PI4KB: variants seen among roughly 807,000 people sequenced by gnomAD.
The protein encoded by PI4KB is phosphatidylinositol 4-kinase beta, also known as PtdIns 4-kinase beta.
In PI4KB, 23 loss-of-function variants were observed where a neutral mutation model predicts 81.4. The ratio of observed to expected loss-of-function variants is 0.28; its 90% confidence interval spans 0.20 to 0.40. The LOEUF is 0.40. Among genes scored for constraint, PI4KB ranks in the 10% least tolerant of loss-of-function variants. The probability of loss-of-function intolerance (pLI) is 1.00; values close to 1 mark genes in which losing one functional copy is unlikely to be tolerated. For synonymous variants in PI4KB, 381 were observed against 406.8 expected (o/e 0.94, Z 0.76); for missense variants, 651 against 1,036.6 (o/e 0.63, Z 5.11).
rs776322518 is a variant in PI4KB at position 151,292,861 on chromosome 1, G to A, written c.2442C>T (p.Gly814=). 1.2e-6 allele frequency: 2 copies of A among 1,614,020 alleles called. No homozygotes were observed. The highest frequency in any genetic ancestry group is 3.3e-5 in the Admixed American group (2 of 60,026). ...LYDGFQYLTN[G]IM ...TGGGCTGAGGAGCGTGTCACATGAT[G>A]CCGTTGGTGAGGTACTGGAAGCCGT... Residue 814 remains glycine, a synonymous_variant, in exon 12 of 12, where the codon GGC becomes GGT. Coordinates refer to ENST00000368873, the MANE Select transcript of PI4KB (RefSeq NM_001369623.2).
intron 2 of PI4KB, among the ~76,000 whole-genome samples, chr1:151,311,931 C>T (rs757909974): frequency 6.6e-6 from 1 of 152,192 alleles, no homozygotes; most frequent in African/African-American, 2.4e-5. Flanking sequence ...GTCATCATAT[C>T]GGGGAGGGTG....
At chr1:151,311,818 A>G (rs1696253453) in intron 2 of PI4KB, among the ~76,000 whole-genome samples, 2 of 152,222 alleles carry the variant, frequency 1.3e-5, no homozygotes, top group African/African-American at 4.8e-5. Context: ...ACATCACACC[A>G]TATCAAGCTA....
At chr1:151,326,173 A>G in intron 1 of PI4KB, 2 of 1,613,112 alleles carry the variant, frequency 1.2e-6, no homozygotes, top group Non-Finnish European at 1.7e-6. Flanking sequence ...TTTTCTCACA[A>G]TCTCATTCAA....
chr1:151,314,156 C>T (rs897770880), intron 2 of PI4KB, among the ~76,000 whole-genome samples: 1 of 152,268 alleles, frequency 6.6e-6, no homozygotes, highest in Non-Finnish European at 1.5e-5. Context: ...TCTCTAGTCA[C>T]TCTGACTTCC....
At chr1:151,321,146 C>T (rs976109910) in intron 1 of PI4KB, among the ~76,000 whole-genome samples, 1 of 152,142 alleles carries the variant, frequency 6.6e-6, no homozygotes, top group Non-Finnish European at 1.5e-5. Flanking sequence ...CTCTCCCTCC[C>T]GGCAGCTTTT....
intron 11 of PI4KB, chr1:151,293,412 C>A: frequency 1.6e-6 from 2 of 1,280,894 alleles, no homozygotes; most frequent in South Asian, 1.3e-5. Flanking sequence ...ATGACCTGGG[C>A]CACCGTCATC....
At chr1:151,322,944 T>C (rs975606777) in intron 1 of PI4KB, among the ~76,000 whole-genome samples, 9 of 152,072 alleles carry the variant, frequency 5.9e-5, no homozygotes, top group African/African-American at 1.9e-4. Context: ...TCCTCTATCC[T>C]TTTTTTATAC....
intron 1 of PI4KB, chr1:151,324,951 G>C: frequency 1.1e-6 from 1 of 872,644 alleles, no homozygotes; most frequent in Non-Finnish European, 1.4e-6. Context: ...GAGGAAATAT[G>C]ATTTCTGGTT....
chr1:151,308,252 G>A lies in PI4KB; in HGVS notation c.955-451C>T, dbSNP rs995159864. ...GGCTAGATCTCTGCCGAGGGGCTCC[G>A]TCAAGTCCCGCAAGGCTAGAGAAGG... On this transcript the variant is annotated intron_variant, in intron 3 of 11. Transcript: ENST00000368873. 8.5e-5 allele frequency among the ~76,000 whole-genome samples: 13 copies of A among 152,282 alleles called. No homozygotes were observed. The East Asian group carries it at 1.5e-3, about 18-fold the overall frequency.
At chr1:151,316,570 G>T in intron 1 of PI4KB, 61 bp from the exon 2 acceptor site, 1 of 1,220,930 alleles carries the variant, frequency 8.2e-7, no homozygotes, top group Non-Finnish European at 1.1e-6. Flanking sequence ...ATTGGTTAGT[G>T]GTGCCATCCT....
At chr1:151,327,078 G>A (rs1649727294) in intron 1 of PI4KB, among the ~76,000 whole-genome samples, 193 bp downstream of exon 1, 2 of 152,164 alleles carry the variant, frequency 1.3e-5, no homozygotes, top group Admixed American at 6.5e-5. Context: ...AATAGAAGAG[G>A]AAGCCAAAAA....
rs750342410 is a variant in PI4KB at position 151,313,592 on chromosome 1, C to G, written c.909+1981G>C. On this transcript the variant is annotated intron_variant, in intron 2 of 11. Transcript: ENST00000368873. ...CTACAGGTTTGACTCCAAGATGAGA[C>G]AGCTATCCAACCCTTCATGTTCCAC... Among the ~76,000 whole-genome samples, 12 of 152,362 alleles carry G rather than the reference C, an allele frequency of 7.9e-5. No homozygotes were observed. In the South Asian group the frequency reaches 1.2e-3, roughly 16 times the overall value.
In PI4KB at chr1:151,316,302, C is replaced by T. The variant is rs757459809; in HGVS notation, c.180G>A (p.Lys60=). Residue 60 remains lysine (K), a synonymous_variant, in exon 2 of 12, where the codon AAG becomes AAA. Transcript: ENST00000368873. ...AGACTGCCACGCCTCCATGCAAAAG[C>T]TTGACTTTCTCCAACACCTCCTGGC... is the stretch of plus-strand genomic sequence containing the variant. ...KACQEVLEKV[K]LLHGGVAVSS... is the part of the protein sequence containing the mutation. 2.5e-6 allele frequency: 4 copies of T among 1,614,208 alleles called. No individual in the cohort carries two copies. In the Admixed American group the frequency reaches 6.7e-5, roughly 27 times the overall value.
At chr1:151,300,463 G>A (rs979401475) in intron 8 of PI4KB, among the ~76,000 whole-genome samples, 2 of 152,088 alleles carry the variant, frequency 1.3e-5, no homozygotes, top group Non-Finnish European at 2.9e-5. Flanking sequence ...AAAATTAGCC[G>A]GGCGTGGTGG....
intron 1 of PI4KB, 55 bp downstream of exon 1, chr1:151,327,216 A>ACGGGGGGC: frequency 9.7e-6 from 1 of 102,622 alleles, no homozygotes; most frequent in Non-Finnish European, 1.8e-5. Context: ...TGGGAGAGGG[A>ACGGGGGGC]CCCCCCCCCC....
rs770541827 is a variant in PI4KB, at chr1:151,292,810, G to A, written c.*42C>T. On this transcript the variant is annotated 3_prime_UTR_variant, in exon 12 of 12. Coordinates refer to ENST00000368873, the MANE Select transcript of PI4KB (RefSeq NM_001369623.2). ...TTCTCAGACAAGGGCCCTCTAGGGA[G>A]GGTGCCCTGGACCCCCCACCACTCC... 6.3e-7 allele frequency: 1 copy of A among 1,584,794 alleles called. No individual in the cohort carries two copies. Among genetic ancestry groups the A allele is most frequent in the Non-Finnish European group, 8.6e-7 (1 of 1,158,332 alleles).
chr1:151,327,040 G>A (rs1342050856), intron 1 of PI4KB, among the ~76,000 whole-genome samples: 4 of 151,908 alleles, frequency 2.6e-5, no homozygotes, highest in African/African-American at 9.7e-5. Context: ...TGAGGGAGGG[G>A]GGAATCCCCG....
chr1:151,308,135 T>C (rs1695938088), intron 3 of PI4KB, among the ~76,000 whole-genome samples: 1 of 152,210 alleles, frequency 6.6e-6, no homozygotes, highest in Admixed American at 6.5e-5. Flanking sequence ...CTGGATAGGT[T>C]AGCCAGGGCC....
chr1:151,319,831 G>A (rs575579896), intron 1 of PI4KB, among the ~76,000 whole-genome samples: 1 of 152,208 alleles, frequency 6.6e-6, no homozygotes, highest in African/African-American at 2.4e-5. Context: ...TCAAGAGCAT[G>A]AGCAAGAGGA....
Sources: gnomAD v4.1 joint callset for allele counts (sites outside exome capture counted in the v4.1 genomes callset) on GRCh38, gnomAD v4.1.1 for gene constraint, MANE v1.5 for transcripts, NCBI Gene and HGNC (gene_info 2026-07-23, HGNC 2026-07-21) for gene names.